Variants in TRAF3 observed in about 807,000 individuals in gnomAD.
TRAF3 encodes TNF receptor-associated factor 3.
A neutral mutation model predicts 62.3 loss-of-function variants in TRAF3; 13 were observed. That is an observed-to-expected ratio of 0.21 (90% CI 0.14 to 0.33). The LOEUF (loss-of-function observed/expected upper bound fraction) is 0.33, where lower values mean the gene tolerates loss of function less well. Among genes scored for constraint, TRAF3 ranks in the 10% least tolerant of loss-of-function variants. The pLI, the probability that TRAF3 is intolerant of heterozygous loss-of-function variation, is 1.00. For synonymous variants in TRAF3, 269 were observed against 283.4 expected (o/e 0.95, Z 0.51); for missense variants, 440 against 741.8 (o/e 0.59, Z 4.73).
chr14:102,846,175 A>G (rs552098132), intron 2 of TRAF3, among the ~76,000 whole-genome samples: 1 of 152,250 alleles, frequency 6.6e-6, no homozygotes, highest in South Asian at 2.1e-4. Context: ...TCATACTTCT[A>G]GGTATGTACA....
chr14:102,847,876 AT>A (rs1384379623), intron 2 of TRAF3, among the ~76,000 whole-genome samples: 1 of 151,502 alleles, frequency 6.6e-6, no homozygotes, highest in Non-Finnish European at 1.5e-5. Flanking sequence ...TTTATTTTTC[AT>A]TTTTTTTCAA....
At chr14:102,792,411 A>C (rs1398414237) in intron 1 of TRAF3, among the ~76,000 whole-genome samples, 3 of 147,610 alleles carry the variant, frequency 2.0e-5, no homozygotes, top group African/African-American at 7.5e-5. Flanking sequence ...ACAGGTGTGC[A>C]CCAATATGCC....
At chr14:102,858,477 A>T (rs1346679864) in intron 2 of TRAF3, among the ~76,000 whole-genome samples, 1 of 152,104 alleles carries the variant, frequency 6.6e-6, no homozygotes, top group Non-Finnish European at 1.5e-5. Context: ...CTAATGTCAC[A>T]ATCTCCAAAG....
At chr14:102,813,954 G>A (rs777645369) in intron 1 of TRAF3, among the ~76,000 whole-genome samples, 6 of 152,084 alleles carry the variant, frequency 3.9e-5, no homozygotes, top group South Asian at 2.1e-4. Flanking sequence ...TTTGTTGTCC[G>A]TGCTTTTCAG....
Position 102,839,210 on chromosome 14 carries a change from C to CCTTTT in TRAF3, c.-18+8738_-18+8739insCTTTT, listed in dbSNP as rs1310697452. 3.6e-3 allele frequency among the ~76,000 whole-genome samples: 324 copies of CCTTTT among 89,824 alleles called. 42 individuals are homozygous for CCTTTT. Among genetic ancestry groups the CCTTTT allele is most frequent in the African/African-American group, 0.013 (289 of 22,584 alleles). 58.9% of individuals were successfully genotyped at this position (89,824 alleles called of 152,430 possible). A position where few individuals can be genotyped will look rare whatever the true frequency, so the allele number is the denominator to read the frequency against. On this transcript the variant is annotated intron_variant, in intron 2 of 11. Transcript: ENST00000392745. ...GAGAGATGCTTATTGGTTGATTTGCCTTTTTTTTTTTTTTTTTTTTTTTTT... is the reference window on the plus strand; with the variant it reads ...GAGAGATGCTTATTGGTTGATTTGCCCTTTTTTTTTTTTTTTTTTTTTTTTTTTTT...
At chr14:102,883,473 A>G (rs185306079) in intron 6 of TRAF3, among the ~76,000 whole-genome samples, 15 of 152,300 alleles carry the variant, frequency 9.8e-5, no homozygotes, top group Admixed American at 9.8e-4. Flanking sequence ...TCCTTGTGGG[A>G]GAATGAGGGT....
intron 4 of TRAF3, among the ~76,000 whole-genome samples, chr14:102,874,647 C>T (rs914496244): frequency 7.8e-6 from 1 of 127,502 alleles, no homozygotes; most frequent in Admixed American, 7.6e-5. Flanking sequence ...GTTTTTTCTT[C>T]TTCTTTTTTT....
chr14:102,865,432 C>T (rs577715393), intron 2 of TRAF3, among the ~76,000 whole-genome samples: 2 of 152,112 alleles, frequency 1.3e-5, no homozygotes, highest in Admixed American at 6.6e-5. Context: ...AGAATTAGAG[C>T]TGCTTTCTGT....
At chr14:102,792,429 T>A (rs1162676556) in intron 1 of TRAF3, among the ~76,000 whole-genome samples, 1 of 132,420 alleles carries the variant, frequency 7.6e-6, no homozygotes, top group Non-Finnish European at 1.6e-5. Context: ...GCCCAGTTAA[T>A]TGATTTTTTT....
chr14:102,826,063 A>T lies in TRAF3; in HGVS notation c.-156-4271A>T, dbSNP rs1204040434. 6.6e-6 allele frequency among the ~76,000 whole-genome samples: 1 copy of T among 152,164 alleles called. No individual in the cohort carries two copies. Among genetic ancestry groups the T allele is most frequent in the Non-Finnish European group, 1.5e-5 (1 of 68,038 alleles). ...GGAGGAAGACTGCTGTATTTCCTTA[A>T]AAGTTTTTCTGTAACTCGAATCCCT... On this transcript the variant is annotated intron_variant, in intron 1 of 11. Transcript: ENST00000392745. The surrounding 1 kb of genome is among the most constrained non-coding windows in gnomAD (Gnocchi z 4.6).
intron 1 of TRAF3, among the ~76,000 whole-genome samples, chr14:102,812,736 G>A (rs1236658509): frequency 1.5e-4 from 23 of 151,422 alleles, no homozygotes; most frequent in Non-Finnish European, 1.2e-4. Flanking sequence ...TGGCTAACAC[G>A]GTGAAACCCT....
intron 2 of TRAF3, among the ~76,000 whole-genome samples, chr14:102,847,328 C>T (rs1178079298): frequency 6.6e-6 from 1 of 152,152 alleles, no homozygotes; most frequent in Non-Finnish European, 1.5e-5. Flanking sequence ...GTGTGTGCCA[C>T]CACGCCCAGC....
intron 1 of TRAF3, among the ~76,000 whole-genome samples, chr14:102,782,307 C>T (rs1408644010): frequency 6.6e-6 from 1 of 152,072 alleles, no homozygotes; most frequent in Non-Finnish European, 1.5e-5. Flanking sequence ...AATCTTGGCT[C>T]ACTGCAGCCT....
At chr14:102,799,172 G>C (rs970219838) in intron 1 of TRAF3, among the ~76,000 whole-genome samples, 17 of 152,138 alleles carry the variant, frequency 1.1e-4, no homozygotes, top group East Asian at 3.9e-4. Flanking sequence ...GGTGGCATTG[G>C]GGGGAGATTA....
At chr14:102,875,176 A>G (rs554125739) in intron 4 of TRAF3, among the ~76,000 whole-genome samples, 56 of 152,308 alleles carry the variant, frequency 3.7e-4, no homozygotes, top group Admixed American at 5.9e-4. Context: ...CAAGCGATCT[A>G]TACAATGTAT....
Position 102,909,536 on chromosome 14 carries a change from C to T in TRAF3, c.*3752C>T, listed in dbSNP as rs1890756409. The T allele has an allele frequency of 6.5e-6, 1 of 152,850 alleles. No homozygotes were observed. Among genetic ancestry groups the T allele is most frequent in the Admixed American group, 6.5e-5 (1 of 15,316 alleles). 9.5% of individuals were successfully genotyped at this position (152,850 alleles called of 1,614,324 possible). A position where few individuals can be genotyped will look rare whatever the true frequency, so the allele number is the denominator to read the frequency against. The stretch of plus-strand genomic sequence containing the variant: ...TTCCCTGCCCCATCCCCGTGCCCTT[C>T]TTGGCCTGTGGCGCTGGGGAGCCAT... On this transcript the variant is annotated 3_prime_UTR_variant, in exon 12 of 12. Coordinates refer to ENST00000392745, the MANE Select transcript of TRAF3 (RefSeq NM_145725.3).
At position 102,811,913 on chromosome 14, in the gene TRAF3, C is replaced by CCTTTTT. The variant is rs1381571409; in HGVS notation, c.-156-18421_-156-18420insCTTTTT. 6.7e-3 allele frequency among the ~76,000 whole-genome samples: 315 copies of CCTTTTT among 47,122 alleles called. 6 individuals carry two copies. The highest frequency in any genetic ancestry group is 0.045 in the Middle Eastern group (2 of 44). 30.9% of individuals were successfully genotyped at this position (47,122 alleles called of 152,430 possible). On this transcript the variant is annotated intron_variant, in intron 1 of 11. Transcript: ENST00000392745. ...TAGGCTTGTGCCACCATGCCTGGCC[C>CCTTTTT]TTTTTTTTTTTTTTTTTTTTTTTTT...
At chr14:102,798,015 G>C (rs1898196262) in intron 1 of TRAF3, among the ~76,000 whole-genome samples, 1 of 152,122 alleles carries the variant, frequency 6.6e-6, no homozygotes, top group Admixed American at 6.6e-5. Flanking sequence ...GGGATTACAG[G>C]TGTGAGCCAC....
chr14:102,839,176 C>G (rs974697486), intron 2 of TRAF3, among the ~76,000 whole-genome samples: 7 of 137,482 alleles, frequency 5.1e-5, no homozygotes, highest in Non-Finnish European at 1.1e-4. Context: ...GCTAATCCTG[C>G]AAAACCAAGA....
Sources: allele counts gnomAD v4.1 joint callset (sites outside exome capture counted in the v4.1 genomes callset), GRCh38; gene constraint gnomAD v4.1.1; non-coding constraint Gnocchi (gnomAD v3.1); transcripts MANE v1.5; gene names NCBI Gene and HGNC (gene_info 2026-07-23, HGNC 2026-07-21).